The following P2RY8 variants were observed in gnomAD, a reference collection of about 807,000 sequenced individuals.
The protein encoded by P2RY8 is P2Y receptor family member 8.
In P2RY8, 6 loss-of-function variants were observed where a neutral mutation model predicts 10.0. The ratio of observed to expected loss-of-function variants is 0.60; its 90% confidence interval spans 0.33 to 1.19. P2RY8 has a LOEUF of 1.19. Ranked by LOEUF, P2RY8 falls within the 50% of genes most tolerant of loss-of-function variation. The pLI is 0.04. For missense variants in P2RY8, 456 were observed against 542.0 expected (o/e 0.84, Z 1.58); for synonymous variants, 276 against 252.5 (o/e 1.09, Z -0.88).
intron 1 of P2RY8, among the ~76,000 whole-genome samples, chrX:1,469,889 C>T (rs1430272315): frequency 6.6e-6 from 1 of 151,834 alleles, no homozygotes; most frequent in African/African-American, 2.4e-5. Context: ...GGCAACAGAG[C>T]GAGACTCTGT....
At chrX:1,499,831 G>A (rs1340876451) in intron 1 of P2RY8, among the ~76,000 whole-genome samples, 1 of 150,512 alleles carries the variant, frequency 6.6e-6, no homozygotes, top group African/African-American at 2.4e-5. Context: ...CTAATTTTTT[G>A]AATCTGTTTT....
intron 1 of P2RY8, among the ~76,000 whole-genome samples, chrX:1,512,095 C>A (rs1484876102): frequency 1.3e-5 from 2 of 152,090 alleles, no homozygotes; most frequent in African/African-American, 4.8e-5. Flanking sequence ...TGTCCAGGGT[C>A]TCCTGTGTAA....
At chrX:1,532,870 C>G (rs1419084573) in intron 1 of P2RY8, among the ~76,000 whole-genome samples, 1 of 151,624 alleles carries the variant, frequency 6.6e-6, no homozygotes, top group African/African-American at 2.4e-5. Context: ...TGTGGTGGCA[C>G]ATGCGTGTAA....
intron 1 of P2RY8, among the ~76,000 whole-genome samples, chrX:1,527,284 T>G (rs1288483941): frequency 2.0e-5 from 3 of 152,152 alleles, no homozygotes. Context: ...CATTCATTCA[T>G]CCACTTATTC....
chrX:1,532,552 G>C (rs1408182548), intron 1 of P2RY8, among the ~76,000 whole-genome samples: 4 of 151,436 alleles, frequency 2.6e-5, no homozygotes, highest in Non-Finnish European at 5.9e-5. Flanking sequence ...ACTTATGATG[G>C]AATACTACTC....
At chrX:1,515,334 G>A (rs1267197086) in intron 1 of P2RY8, among the ~76,000 whole-genome samples, 1 of 151,146 alleles carries the variant, frequency 6.6e-6, no homozygotes, top group South Asian at 2.1e-4. Context: ...GTTAAGTTGT[G>A]CAAACACCTC....
intron 1 of P2RY8, among the ~76,000 whole-genome samples, chrX:1,531,909 C>CA (rs2149416640): frequency 6.6e-6 from 1 of 152,262 alleles, no homozygotes; most frequent in African/African-American, 2.4e-5. Context: ...CAAGAAATAG[C>CA]AAATGCTAGT....
At chrX:1,467,509 C>G (rs762721589) in intron 1 of P2RY8, among the ~76,000 whole-genome samples, 2 of 152,198 alleles carry the variant, frequency 1.3e-5, no homozygotes, top group African/African-American at 2.4e-5. Context: ...AAAAGCAGAC[C>G]CTTCCTTCTT....
At chrX:1,477,783 G>A (rs1451603097) in intron 1 of P2RY8, among the ~76,000 whole-genome samples, 2 of 152,192 alleles carry the variant, frequency 1.3e-5, no homozygotes, top group African/African-American at 4.8e-5. Context: ...TGTGTGACAA[G>A]AGCAGCCTTC....
At chrX:1,474,367 A>G (rs2091848360) in intron 1 of P2RY8, among the ~76,000 whole-genome samples, 1 of 108,302 alleles carries the variant, frequency 9.2e-6, no homozygotes, top group Non-Finnish European at 2.1e-5. Flanking sequence ...GGATGGATGG[A>G]TGGATAAGTG....
intron 1 of P2RY8, among the ~76,000 whole-genome samples, chrX:1,520,014 C>T (rs1391444455): frequency 6.6e-6 from 1 of 151,598 alleles, no homozygotes; most frequent in African/African-American, 2.4e-5. Flanking sequence ...CTAATAATCT[C>T]TCTGGTCCTC....
chrX:1,508,704 T>A (rs1269922719), intron 1 of P2RY8, among the ~76,000 whole-genome samples: 87 of 112,074 alleles, frequency 7.8e-4, no homozygotes, highest in South Asian at 4.6e-3. Flanking sequence ...CATCCATCCA[T>A]TCTATCTATC....
intron 1 of P2RY8, among the ~76,000 whole-genome samples, chrX:1,467,389 T>G (rs1370106991): frequency 6.6e-6 from 1 of 152,136 alleles, no homozygotes; most frequent in Non-Finnish European, 1.5e-5. Context: ...CAGGGAGAAG[T>G]TTTCTGACCC....
In P2RY8 at chrX:1,466,146, C is replaced by T; in HGVS notation, c.413G>A (p.Arg138His). 1 of 1,611,840 alleles carries T rather than the reference C, an allele frequency of 6.2e-7. No homozygotes were observed. The highest frequency in any genetic ancestry group is 1.1e-5 in the South Asian group (1 of 90,902). The change falls in exon 2 of 2, where the codon CGT becomes CAT. Residue 138 changes from arginine to histidine, a missense_variant. Coordinates refer to ENST00000381297, the MANE Select transcript of P2RY8 (RefSeq NM_178129.5). ...PLSSKRWRRR[R>H]YAVAACAGTW... ...CCCTGCACACGCGGCCACCGCGTAA[C>T]GACGGCGGCGCCAGCGCTTGGAGCT...
intron 1 of P2RY8, among the ~76,000 whole-genome samples, chrX:1,504,984 A>G (rs2092217486): frequency 6.6e-6 from 1 of 151,804 alleles, no homozygotes; most frequent in Non-Finnish European, 1.5e-5. Flanking sequence ...AAATACAAAA[A>G]TAAATTAGCC....
chrX:1,535,564 A>G (rs1208656958), intron 1 of P2RY8, among the ~76,000 whole-genome samples: 2 of 151,868 alleles, frequency 1.3e-5, no homozygotes, highest in African/African-American at 2.4e-5. Context: ...GGAAGGAGAG[A>G]TTGAACGGCG....
intron 1 of P2RY8, among the ~76,000 whole-genome samples, chrX:1,498,405 C>CAAAAAAA (rs1175667773): frequency 2.8e-5 from 2 of 70,576 alleles, no homozygotes; most frequent in African/African-American, 5.0e-5. Context: ...GACTCTGTCT[C>CAAAAAAA]AAAAAAAAAA....
chrX:1,524,409 G>C (rs376913405), intron 1 of P2RY8, among the ~76,000 whole-genome samples: 513 of 108,550 alleles, frequency 4.7e-3, no homozygotes, highest in Middle Eastern at 0.012. Context: ...ATCCATGCAT[G>C]CATCCATCCA....
intron 1 of P2RY8, among the ~76,000 whole-genome samples, chrX:1,524,906 C>CATCA (rs2092429893): frequency 6.6e-6 from 1 of 151,772 alleles, no homozygotes; most frequent in Non-Finnish European, 1.5e-5. Context: ...TCCATCCATC[C>CATCA]ATCCATCCAT....
Sources: allele counts gnomAD v4.1 joint callset (sites outside exome capture counted in the v4.1 genomes callset), GRCh38; gene constraint gnomAD v4.1.1; transcripts MANE v1.5; gene names NCBI Gene and HGNC (gene_info 2026-07-23, HGNC 2026-07-21).